Variants in KCNN2 observed in about 807,000 individuals in gnomAD.
KCNN2 encodes potassium calcium-activated channel subfamily N member 2.
In KCNN2, 24 loss-of-function variants were observed where a neutral mutation model predicts 55.5. The observed-to-expected ratio is 0.43, with a 90% CI of 0.31 to 0.61. The LOEUF (loss-of-function observed/expected upper bound fraction) is 0.61, where lower values mean the gene tolerates loss of function less well. Among genes scored for constraint, KCNN2 ranks in the 20% least tolerant of loss-of-function variants. The probability of loss-of-function intolerance (pLI) is 0.08; values close to 1 mark genes in which losing one functional copy is unlikely to be tolerated. For synonymous variants in KCNN2, 431 were observed against 336.1 expected, an observed-to-expected ratio of 1.28 and a Z score of -3.09; for missense variants, 754 against 853.6, an observed-to-expected ratio of 0.88 and a Z score of 1.45.
intron 3 of KCNN2, among the ~76,000 whole-genome samples, chr5:114,413,966 AG>A (rs1298807721): frequency 6.6e-6 from 1 of 152,218 alleles, no homozygotes; most frequent in East Asian, 1.9e-4. Flanking sequence ...CCAGATAAAA[AG>A]AAGGAACATA....
At chr5:114,436,269 A>G (rs1257560912) in intron 3 of KCNN2, among the ~76,000 whole-genome samples, 4 of 152,230 alleles carry the variant, frequency 2.6e-5, no homozygotes, top group Admixed American at 2.0e-4. Flanking sequence ...GTATTTTTTA[A>G]GTTTTAGGTG....
chr5:114,275,888 T>C (rs1319020246), intron 2 of KCNN2, among the ~76,000 whole-genome samples: 1 of 152,178 alleles, frequency 6.6e-6, no homozygotes, highest in East Asian at 1.9e-4. Flanking sequence ...ATTTGTTTGC[T>C]CTTGCTTCTC....
At chr5:114,154,088 C>G (rs561263141) in intron 1 of KCNN2, among the ~76,000 whole-genome samples, 1 of 152,126 alleles carries the variant, frequency 6.6e-6, no homozygotes, top group Non-Finnish European at 1.5e-5. Flanking sequence ...TTATAAATAG[C>G]TTCATTATAA....
chr5:114,485,287 C>T (rs1197602247), intron 5 of KCNN2, among the ~76,000 whole-genome samples: 2 of 152,066 alleles, frequency 1.3e-5, no homozygotes, highest in African/African-American at 2.4e-5. Context: ...AGAGAGAGAG[C>T]CTCCATCAGG....
chr5:114,123,382 A>G (rs1449706833), intron 1 of KCNN2, among the ~76,000 whole-genome samples: 1 of 22,962 alleles, frequency 4.4e-5, no homozygotes, highest in Non-Finnish European at 7.4e-5. Context: ...TTTTTTTTTG[A>G]GACAGAGTCT....
Position 114,196,924 on chromosome 5 carries a change from A to G in KCNN2, c.-270-24556A>G, listed in dbSNP as rs368374874. Among the ~76,000 whole-genome samples the G allele has an allele frequency of 1.9e-4, 29 of 152,126 alleles. No homozygotes were observed. The South Asian group carries it at 6.0e-3, about 32-fold the overall frequency. ...TCTTGTTTTTCTAGTTTCTTAAGAT[A>G]AAAGGTGAGGTTATTGATTGAGATC... is the stretch of plus-strand genomic sequence containing the variant. On this transcript the variant is annotated intron_variant, in intron 1 of 10. Transcript: ENST00000512097.
chr5:114,076,384 A>G (rs1335351286), intron 1 of KCNN2, among the ~76,000 whole-genome samples: 3 of 152,206 alleles, frequency 2.0e-5, no homozygotes, highest in African/African-American at 7.2e-5. Flanking sequence ...GGATGGAATG[A>G]GAGAGATGTG....
At chr5:114,254,768 C>T (rs751761097) in intron 2 of KCNN2, among the ~76,000 whole-genome samples, 1 of 151,832 alleles carries the variant, frequency 6.6e-6, no homozygotes, top group Non-Finnish European at 1.5e-5. Context: ...TCTTATATTC[C>T]TTAATCTCCT....
intron 3 of KCNN2, among the ~76,000 whole-genome samples, chr5:114,418,692 C>T (rs1759379840): frequency 6.6e-6 from 1 of 152,162 alleles, no homozygotes; most frequent in African/African-American, 2.4e-5. Context: ...AGCATTTCAA[C>T]TTTCCTTTCA....
At chr5:114,255,431 T>G (rs1168734300) in intron 2 of KCNN2, among the ~76,000 whole-genome samples, 1 of 152,094 alleles carries the variant, frequency 6.6e-6, no homozygotes, top group African/African-American at 2.4e-5. Context: ...AAACACAGCA[T>G]GGGGTATTCT....
intron 1 of KCNN2, among the ~76,000 whole-genome samples, chr5:114,214,612 C>T (rs1464085567): frequency 6.6e-6 from 1 of 152,144 alleles, no homozygotes; most frequent in Admixed American, 6.5e-5. Flanking sequence ...TGGAGGACTC[C>T]CCACAATTCC....
In KCNN2 at chr5:114,241,764, GTA is replaced by G. The variant is rs1250422981; in HGVS notation, c.-185+20208_-185+20209del. On this transcript the variant is annotated intron_variant, in intron 2 of 10. Transcript: ENST00000512097. Reference sequence around the variant, plus strand: ...TACGTATATATATGTATATATATACGTATATATATACATATATACGTATATAT... The same window carrying G: ...TACGTATATATATGTATATATATACGTATATATACATATATACGTATATAT... 2.4e-4 allele frequency among the ~76,000 whole-genome samples: 2 copies of G among 8,326 alleles called. 1 individual carries two copies. The highest frequency in any genetic ancestry group is 4.1e-4 in the Non-Finnish European group (2 of 4,932). 5.5% of individuals were successfully genotyped at this position (8,326 alleles called of 152,430 possible). A position where few individuals can be genotyped will look rare whatever the true frequency, so the allele number is the denominator to read the frequency against.
At chr5:114,433,961 C>T (rs1759905231) in intron 3 of KCNN2, 1 of 154,200 alleles carries the variant, frequency 6.5e-6, no homozygotes. Context: ...CTCTGACAGC[C>T]TCTTTTTACT....
intron 1 of KCNN2, among the ~76,000 whole-genome samples, chr5:114,215,136 A>G (rs1753975643): frequency 1.3e-5 from 2 of 152,114 alleles, no homozygotes; most frequent in Non-Finnish European, 2.9e-5. Context: ...TTCATTTGTC[A>G]AAAGGACTTG....
chr5:114,259,525 C>T (rs1238855620), intron 2 of KCNN2, among the ~76,000 whole-genome samples: 1 of 152,140 alleles, frequency 6.6e-6, no homozygotes. Context: ...CTCAAATCGA[C>T]CAGTTAATGG....
At chr5:114,117,360 C>T (rs1416143990) in intron 1 of KCNN2, among the ~76,000 whole-genome samples, 1 of 152,176 alleles carries the variant, frequency 6.6e-6, no homozygotes, top group African/African-American at 2.4e-5. Context: ...TGTGGTAACC[C>T]TCTGAGTGCC....
chr5:114,375,872 C>T (rs1201682794), intron 2 of KCNN2, among the ~76,000 whole-genome samples: 2 of 147,298 alleles, frequency 1.4e-5, no homozygotes. Context: ...GGGATGAAAA[C>T]TATTTTTTAA....
intron 2 of KCNN2, among the ~76,000 whole-genome samples, chr5:114,351,917 T>C (rs1326114134): frequency 3.3e-5 from 5 of 151,834 alleles, no homozygotes; most frequent in Middle Eastern, 3.4e-3. Context: ...TGTCTTTCAT[T>C]TTGATATCAG....
chr5:114,457,352 A>G (rs1457784065), intron 3 of KCNN2, among the ~76,000 whole-genome samples: 1 of 152,210 alleles, frequency 6.6e-6, no homozygotes. Context: ...TTAAGACATC[A>G]TGCTATAGCA....
Sources: gnomAD v4.1 joint callset for allele counts (sites outside exome capture counted in the v4.1 genomes callset) on GRCh38, gnomAD v4.1.1 for gene constraint, MANE v1.5 for transcripts, NCBI Gene and HGNC (gene_info 2026-07-23, HGNC 2026-07-21) for gene names.